Variants in CMIP observed in about 807,000 individuals in gnomAD.
The protein encoded by CMIP is C-Maf-inducing protein.
Under a neutral mutation model 97.3 loss-of-function variants are expected in CMIP, and 13 were observed. The ratio of observed to expected loss-of-function variants is 0.13; its 90% CI spans 0.09 to 0.21. The LOEUF (loss-of-function observed/expected upper bound fraction) is 0.21. Ranked by LOEUF, CMIP falls within the 10% of genes least tolerant of loss-of-function variation. The pLI, the probability that CMIP is intolerant of heterozygous loss-of-function variation, is 1.00. For missense variants in CMIP, 847 were observed against 1,024.9 expected, an observed-to-expected ratio of 0.83 and a Z score of 2.37; for synonymous variants, 538 against 436.3, an observed-to-expected ratio of 1.23 and a Z score of -2.91.
At chr16:81,648,526 G>C (rs1567632936) in intron 3 of CMIP, among the ~76,000 whole-genome samples, 1 of 152,106 alleles carries the variant, frequency 6.6e-6, no homozygotes, top group African/African-American at 2.4e-5. Flanking sequence ...GCTGCCGCCT[G>C]TAATCCCAGC....
intron 1 of CMIP, among the ~76,000 whole-genome samples, chr16:81,539,098 C>T (rs891858581): frequency 6.6e-6 from 1 of 152,178 alleles, no homozygotes; most frequent in African/African-American, 2.4e-5. Context: ...TCAGATTCTC[C>T]ATTCGCTTGA....
At chr16:81,604,396 C>CAA (rs886259734) in intron 1 of CMIP, among the ~76,000 whole-genome samples, 5,884 of 58,562 alleles carry the variant, frequency 0.1, 495 homozygotes, top group African/African-American at 0.23. Flanking sequence ...AACTCTGTCT[C>CAA]AAAAAAAAAA....
At chr16:81,641,229 C>A (rs1418206718) in intron 3 of CMIP, among the ~76,000 whole-genome samples, 1 of 152,120 alleles carries the variant, frequency 6.6e-6, no homozygotes, top group African/African-American at 2.4e-5. Flanking sequence ...TGGCCTAAAG[C>A]AGCACCTAAC....
chr16:81,676,200 C>T (rs1904305359), intron 9 of CMIP, among the ~76,000 whole-genome samples: 1 of 152,140 alleles, frequency 6.6e-6, no homozygotes, highest in African/African-American at 2.4e-5. Flanking sequence ...TGTGTTGAGC[C>T]CCCTCGGAGC....
intron 1 of CMIP, among the ~76,000 whole-genome samples, chr16:81,583,777 G>T (rs753484060): frequency 3.2e-4 from 48 of 152,186 alleles, no homozygotes; most frequent in Non-Finnish European, 4.3e-4. Flanking sequence ...CCTTATGGAG[G>T]CTACTGAATA....
chr16:81,670,048 G>C, intron 7 of CMIP, 94 bp from the exon 8 acceptor site: 1 of 1,209,184 alleles, frequency 8.3e-7, no homozygotes, highest in Non-Finnish European at 1.2e-6. Context: ...TCCAGGCAGA[G>C]CTCGGTCCCG....
chr16:81,593,545 G>C (rs567764126), intron 1 of CMIP, among the ~76,000 whole-genome samples: 1 of 152,204 alleles, frequency 6.6e-6, no homozygotes, highest in Non-Finnish European at 1.5e-5. Flanking sequence ...TTTCCTCTCC[G>C]CTCTTTTCGG....
At chr16:81,605,611 G>A (rs535928758) in intron 1 of CMIP, among the ~76,000 whole-genome samples, 45 of 152,164 alleles carry the variant, frequency 3.0e-4, no homozygotes, top group Admixed American at 1.6e-3. Flanking sequence ...CCCTCCCTCC[G>A]TTTCACCTTC....
At position 81,455,278 on chromosome 16, in the gene CMIP, C is replaced by T. The variant is rs575345982; in HGVS notation, c.300+9737C>T. Among the ~76,000 whole-genome samples the T allele has an allele frequency of 1.3e-4, 20 of 152,320 alleles. No homozygotes were observed. The South Asian group carries it at 4.1e-3, about 32-fold the overall frequency. On this transcript the variant is annotated intron_variant, in intron 1 of 20. Coordinates refer to ENST00000537098, the MANE Select transcript of CMIP (RefSeq NM_198390.3). ...CACTCGTGTGATTAGTGTGTTTCCT[C>T]TTGCCAGGGGCTATGCTATGCAGGT... is the stretch of plus-strand genomic sequence containing the variant.
intron 1 of CMIP, among the ~76,000 whole-genome samples, chr16:81,487,250 C>T (rs1188998754): frequency 3.9e-5 from 6 of 152,180 alleles, no homozygotes; most frequent in Non-Finnish European, 7.4e-5. Flanking sequence ...CCTGGGAGCC[C>T]CAGCGTGACT....
chr16:81,526,839 C>T (rs2090142640), intron 1 of CMIP, among the ~76,000 whole-genome samples: 1 of 152,218 alleles, frequency 6.6e-6, no homozygotes, highest in Admixed American at 6.5e-5. Flanking sequence ...GGCAACCCAA[C>T]TTCCTTTGGA....
chr16:81,534,119 G>A (rs1055898939), intron 1 of CMIP, among the ~76,000 whole-genome samples: 3 of 152,286 alleles, frequency 2.0e-5, no homozygotes, highest in African/African-American at 4.8e-5. Context: ...TCCTGCACCC[G>A]GGCAGCCTGT....
At chr16:81,464,630 A>G (rs1907093019) in intron 1 of CMIP, 1 of 152,240 alleles carries the variant, frequency 6.6e-6, no homozygotes, top group South Asian at 2.1e-4. Context: ...TAAGTGTACA[A>G]TTCAGTGGCA....
chr16:81,516,920 C>T (rs528121493), intron 1 of CMIP, among the ~76,000 whole-genome samples: 6 of 151,964 alleles, frequency 3.9e-5, no homozygotes, highest in East Asian at 3.9e-4. Flanking sequence ...AAAAACCAGA[C>T]GGCCTCCAAG....
chr16:81,621,176 A>G lies in CMIP; in HGVS notation c.477+250A>G. 1 of 435,760 alleles carries G rather than the reference A, an allele frequency of 2.3e-6. No homozygotes were observed. Among genetic ancestry groups the G allele is most frequent in the South Asian group, 2.7e-5 (1 of 36,792 alleles). The allele number at this position is 435,760 out of a possible 1,614,324, so 27.0% of individuals were successfully genotyped here. A position where few individuals can be genotyped will look rare whatever the true frequency, so the allele number is the denominator to read the frequency against. ...AACCCTATAGCTGTTTTCCTGCTTCAAAAGGATCATAGAACTGCTTGCTCT... is the reference window on the plus strand; with the variant it reads ...AACCCTATAGCTGTTTTCCTGCTTCGAAAGGATCATAGAACTGCTTGCTCT... On this transcript the variant is annotated intron_variant, in intron 3 of 20. Coordinates refer to ENST00000537098, the MANE Select transcript of CMIP (RefSeq NM_198390.3). The surrounding 1 kb of genome is among the most constrained non-coding windows in gnomAD (Gnocchi z 4.1).
intron 1 of CMIP, among the ~76,000 whole-genome samples, chr16:81,489,958 G>T (rs961324615): frequency 2.6e-5 from 4 of 152,162 alleles, no homozygotes; most frequent in African/African-American, 9.7e-5. Flanking sequence ...ATGTGTTTCC[G>T]GCCACCGGGA....
intron 1 of CMIP, among the ~76,000 whole-genome samples, chr16:81,488,446 C>G (rs1286557976): frequency 6.6e-6 from 1 of 152,110 alleles, no homozygotes; most frequent in Non-Finnish European, 1.5e-5. Context: ...GAACTGGGCC[C>G]GATGCACGGA....
intron 10 of CMIP, among the ~76,000 whole-genome samples, chr16:81,685,344 C>T (rs1905268814): frequency 6.6e-6 from 1 of 152,150 alleles, no homozygotes; most frequent in South Asian, 2.1e-4. Context: ...GGACTGAGCA[C>T]CTGGGAGTAC....
chr16:81,667,815 T>A (rs1380670448), intron 7 of CMIP, among the ~76,000 whole-genome samples: 10 of 148,390 alleles, frequency 6.7e-5, no homozygotes, highest in African/African-American at 1.7e-4. Flanking sequence ...TGTGTGTGTG[T>A]GTGTGTGTGT....
Sources: allele counts gnomAD v4.1 joint callset (sites outside exome capture counted in the v4.1 genomes callset), GRCh38; gene constraint gnomAD v4.1.1; non-coding constraint Gnocchi (gnomAD v3.1); transcripts MANE v1.5; gene names NCBI Gene and HGNC (gene_info 2026-07-23, HGNC 2026-07-21).